The following KSR1 variants were observed in gnomAD, a reference collection of about 807,000 sequenced individuals.
KSR1 encodes kinase suppressor of ras 1, also known as kinase suppressor of ras.
A neutral mutation model predicts 92.9 loss-of-function variants in KSR1; 35 were observed. The observed-to-expected ratio is 0.38, with a 90% CI of 0.29 to 0.50. The LOEUF (loss-of-function observed/expected upper bound fraction) is 0.50, where lower values mean the gene tolerates loss of function less well. Ranked by LOEUF, KSR1 falls within the 20% of genes least tolerant of loss-of-function variation. KSR1 has a pLI of 0.94. For missense variants in KSR1, 972 were observed against 1,158.5 expected (o/e 0.84, Z 2.34); for synonymous variants, 467 against 472.6 (o/e 0.99, Z 0.15).
At chr17:27,526,612 T>C in intron 1 of KSR1, 1 of 1,574,696 alleles carries the variant, frequency 6.4e-7, no homozygotes, top group Non-Finnish European at 8.7e-7. Flanking sequence ...TTGTTGATCA[T>C]GTTCAGTCCT....
chr17:27,498,630 A>G (rs2069076063), intron 1 of KSR1, among the ~76,000 whole-genome samples: 1 of 152,156 alleles, frequency 6.6e-6, no homozygotes, highest in African/African-American at 2.4e-5. Flanking sequence ...GGTGATCCCG[A>G]TAACACTAGT....
chr17:27,528,108 G>A (rs2070386349), intron 1 of KSR1, among the ~76,000 whole-genome samples: 1 of 152,070 alleles, frequency 6.6e-6, no homozygotes, highest in Non-Finnish European at 1.5e-5. Flanking sequence ...CTCTGTTGCC[G>A]AGGCTGGAGT....
At chr17:27,580,526 AG>A (rs1158429748) in intron 3 of KSR1, among the ~76,000 whole-genome samples, 57 of 152,262 alleles carry the variant, frequency 3.7e-4, no homozygotes, top group African/African-American at 1.3e-3. Context: ...GTTCCGCTCT[AG>A]GTTATTCAGA....
At chr17:27,461,932 G>A (rs1327577062) in intron 1 of KSR1, among the ~76,000 whole-genome samples, 1 of 152,240 alleles carries the variant, frequency 6.6e-6, no homozygotes, top group African/African-American at 2.4e-5. Flanking sequence ...GCAATGCCGG[G>A]GAGAAGCAGC....
chr17:27,485,929 G>A (rs1263296804), intron 1 of KSR1, among the ~76,000 whole-genome samples: 8 of 152,210 alleles, frequency 5.3e-5, no homozygotes, highest in Non-Finnish European at 8.8e-5. Context: ...CTTAGCTACA[G>A]AGCTGCTATA....
At chr17:27,555,593 C>G (rs2071565138) in intron 2 of KSR1, among the ~76,000 whole-genome samples, 1 of 151,990 alleles carries the variant, frequency 6.6e-6, no homozygotes, top group African/African-American at 2.4e-5. Context: ...ATGCTTCAGC[C>G]CCCTCTGTTT....
chr17:27,607,961 C>A lies in KSR1; in HGVS notation c.2042C>A (p.Thr681Lys). ...CACTCGTTTGTGAGGGACCCCAAGACGTCTCTGGACATCAACAAGACGAGG... is the reference window on the plus strand; with the variant it reads ...CACTCGTTTGTGAGGGACCCCAAGAAGTCTCTGGACATCAACAAGACGAGG... ...TLHSFVRDPK[T>K]SLDINKTRQI... is the part of the protein sequence containing the mutation. Residue 681 changes from threonine to lysine, a missense_variant, in exon 15 of 21, where the codon ACG becomes AAG. Physicochemically the swap from Thr to Lys is moderately conservative, Grantham distance 78. Coordinates refer to ENST00000644974, the MANE Select transcript of KSR1 (RefSeq NM_001394583.1). 1 of 1,611,038 alleles carries A rather than the reference C, an allele frequency of 6.2e-7. No homozygotes were observed. The highest frequency in any genetic ancestry group is 8.5e-7 in the Non-Finnish European group (1 of 1,178,630).
chr17:27,561,535 G>A (rs2071829461), intron 2 of KSR1, among the ~76,000 whole-genome samples: 1 of 152,154 alleles, frequency 6.6e-6, no homozygotes. Context: ...TGGCCCCAAG[G>A]AGCGGGGAAG....
At chr17:27,615,880 A>G (rs1481442264) in intron 18 of KSR1, among the ~76,000 whole-genome samples, 2 of 152,232 alleles carry the variant, frequency 1.3e-5, no homozygotes, top group Non-Finnish European at 2.9e-5. Flanking sequence ...CAGGAGTAGA[A>G]TTCCAGATTC....
rs546255666 is a variant in KSR1, at chr17:27,604,523, C to T, written c.1566-157C>T. ...ACAAGGGGCAGGTCTGGCCCTCAGC[C>T]TCCTGCCTATTGCCATGCTATCCAC... On this transcript the variant is annotated intron_variant, in intron 12 of 20. Coordinates refer to ENST00000644974, the MANE Select transcript of KSR1 (RefSeq NM_001394583.1). Among the ~76,000 whole-genome samples the T allele has an allele frequency of 5.3e-5, 8 of 152,336 alleles. No individual in the cohort carries two copies. The East Asian group carries it at 1.5e-3, about 29-fold the overall frequency.
At chr17:27,535,107 C>G (rs1292391709) in intron 1 of KSR1, among the ~76,000 whole-genome samples, 1 of 151,876 alleles carries the variant, frequency 6.6e-6, no homozygotes, top group African/African-American at 2.4e-5. Context: ...TTCAGGGGTG[C>G]TTGGTTTTAA....
At chr17:27,503,126 TGAGGGAG>T (rs760182761) in intron 1 of KSR1, among the ~76,000 whole-genome samples, 22 of 152,234 alleles carry the variant, frequency 1.4e-4, no homozygotes, top group Non-Finnish European at 2.4e-4. Context: ...TAAGATATTT[TGAGGGAG>T]GAGGGTGATG....
chr17:27,491,824 C>G (rs922591020), intron 1 of KSR1, among the ~76,000 whole-genome samples: 2 of 152,128 alleles, frequency 1.3e-5, no homozygotes, highest in Admixed American at 1.3e-4. Context: ...GGGGCTCCGA[C>G]TGAAGTTAGT....
At chr17:27,575,252 T>C (rs2072459655) in intron 2 of KSR1, among the ~76,000 whole-genome samples, 1 of 152,240 alleles carries the variant, frequency 6.6e-6, no homozygotes, top group Non-Finnish European at 1.5e-5. Context: ...CTTGACCATA[T>C]GCTAAACTGG....
intron 1 of KSR1, among the ~76,000 whole-genome samples, chr17:27,488,056 T>TC (rs2068719855): frequency 6.6e-6 from 1 of 152,230 alleles, no homozygotes; most frequent in Admixed American, 6.5e-5. Context: ...TCCCACTGCC[T>TC]CCCAGTGTCC....
intron 1 of KSR1, among the ~76,000 whole-genome samples, chr17:27,548,957 G>T (rs1179916699): frequency 6.6e-6 from 1 of 152,174 alleles, no homozygotes. Flanking sequence ...TAATGGCTAA[G>T]CATCCCAAAC....
Position 27,521,391 on chromosome 17 carries a change from A to G in KSR1, c.232-29177A>G, listed in dbSNP as rs2070026458. On this transcript the variant is annotated intron_variant, in intron 1 of 20. Transcript: ENST00000644974. Reference sequence around the variant, plus strand: ...AGCTCCATTGCCCAGGTTGGAGTGCAGTAGCTCACTGGAGCCCCGACTTCC... The same window carrying G: ...AGCTCCATTGCCCAGGTTGGAGTGCGGTAGCTCACTGGAGCCCCGACTTCC... Among the ~76,000 whole-genome samples, 8 of 145,478 alleles carry G rather than the reference A, an allele frequency of 5.5e-5. No individual in the cohort carries two copies. In the South Asian group the frequency reaches 1.7e-3, roughly 31 times the overall value.
At chr17:27,511,279 T>A (rs2069589557) in intron 1 of KSR1, among the ~76,000 whole-genome samples, 1 of 152,118 alleles carries the variant, frequency 6.6e-6, no homozygotes, top group African/African-American at 2.4e-5. Context: ...TGTCATGACA[T>A]CTCAGAGCCA....
chr17:27,535,324 G>A (rs1370094931), intron 1 of KSR1, among the ~76,000 whole-genome samples: 1 of 152,114 alleles, frequency 6.6e-6, no homozygotes, highest in East Asian at 1.9e-4. Flanking sequence ...GAGGTGCTGC[G>A]ACCAAGTATC....
Sources: gnomAD v4.1 joint callset for allele counts (sites outside exome capture counted in the v4.1 genomes callset) on GRCh38, gnomAD v4.1.1 for gene constraint, MANE v1.5 for transcripts, NCBI Gene and HGNC (gene_info 2026-07-23, HGNC 2026-07-21) for gene names.